Variants in CDH1 observed in about 807,000 individuals in gnomAD.
CDH1 encodes the protein cadherin 1.
Under a neutral mutation model 84.5 loss-of-function variants are expected in CDH1, and 35 were observed. The observed-to-expected ratio is 0.41, with a 90% CI of 0.32 to 0.55. CDH1 has a LOEUF of 0.55. CDH1 is among the 20% of genes least tolerant of loss of function. The pLI, the probability that CDH1 is intolerant of heterozygous loss-of-function variation, is 0.19. For missense variants in CDH1, 994 were observed against 1,126.6 expected, an observed-to-expected ratio of 0.88 and a Z score of 1.68; for synonymous variants, 417 against 439.0, an observed-to-expected ratio of 0.95 and a Z score of 0.63.
At chr16:68,749,608 C>A (rs1194552318) in intron 2 of CDH1, among the ~76,000 whole-genome samples, 1 of 152,240 alleles carries the variant, frequency 6.6e-6, no homozygotes, top group Non-Finnish European at 1.5e-5. Context: ...ACCTTGCACG[C>A]TTGACAGTTA....
At chr16:68,806,338 C>T (rs911352840) in intron 3 of CDH1, among the ~76,000 whole-genome samples, 13 of 151,862 alleles carry the variant, frequency 8.6e-5, no homozygotes, top group African/African-American at 3.1e-4. Flanking sequence ...TTAGTAGAGG[C>T]AGGGTTTTGG....
At chr16:68,801,140 C>T (rs957202724) in intron 2 of CDH1, among the ~76,000 whole-genome samples, 6 of 152,136 alleles carry the variant, frequency 3.9e-5, no homozygotes, top group Non-Finnish European at 8.8e-5. Context: ...GAGATGGAGT[C>T]TCGCTCTGTT....
chr16:68,794,196 C>CAAAAAG (rs1960292192), intron 2 of CDH1, among the ~76,000 whole-genome samples: 2 of 151,630 alleles, frequency 1.3e-5, no homozygotes, highest in Non-Finnish European at 2.9e-5. Context: ...CTGCTCCCAG[C>CAAAAAG]TAATTTTTGA....
At chr16:68,741,044 G>A (rs573495022) in intron 2 of CDH1, among the ~76,000 whole-genome samples, 14 of 151,922 alleles carry the variant, frequency 9.2e-5, no homozygotes, top group African/African-American at 3.1e-4. Context: ...CCGAGAGGGG[G>A]TGGTGATGAT....
intron 2 of CDH1, among the ~76,000 whole-genome samples, chr16:68,757,593 A>G (rs1963046070): frequency 6.6e-6 from 1 of 152,160 alleles, no homozygotes; most frequent in South Asian, 2.1e-4. Flanking sequence ...TTGACTCTTC[A>G]GCATTTATTT....
chr16:68,804,042 C>T (rs1287545206), intron 3 of CDH1, among the ~76,000 whole-genome samples: 1 of 143,872 alleles, frequency 7.0e-6, no homozygotes, highest in African/African-American at 2.6e-5. Flanking sequence ...TGTCTTTATT[C>T]TAAGCAATAA....
intron 3 of CDH1, among the ~76,000 whole-genome samples, chr16:68,805,302 G>A (rs1026345095): frequency 1.3e-5 from 2 of 151,970 alleles, no homozygotes; most frequent in Admixed American, 1.3e-4. Flanking sequence ...TTATAGGCGT[G>A]AGCCACCGTG....
chr16:68,817,990 G>A (rs955046664), intron 10 of CDH1, among the ~76,000 whole-genome samples: 1 of 152,114 alleles, frequency 6.6e-6, no homozygotes, highest in East Asian at 1.9e-4. Flanking sequence ...TGCAATCCCA[G>A]TGCTTTGGGA....
chr16:68,831,284 T>C (rs534276932), intron 15 of CDH1, among the ~76,000 whole-genome samples: 15 of 148,860 alleles, frequency 1.0e-4, no homozygotes, highest in African/African-American at 3.7e-4. Flanking sequence ...AGAGACAGGG[T>C]TTCACCATGT....
chr16:68,809,888 G>C lies in CDH1; in HGVS notation c.688-309G>C, dbSNP rs1597892035. On this transcript the variant is annotated intron_variant, in intron 5 of 15. Transcript: ENST00000261769. ...GAAATGCTAGACTAAAAGGACCAGA[G>C]CAAGTTTCACCCGGCATGGAATAAG... 2.6e-5 allele frequency among the ~76,000 whole-genome samples: 4 copies of C among 152,300 alleles called. No homozygotes were observed. In the South Asian group the frequency reaches 6.2e-4, roughly 24 times the overall value.
At chr16:68,784,293 G>A (rs527563838) in intron 2 of CDH1, among the ~76,000 whole-genome samples, 226 of 152,208 alleles carry the variant, frequency 1.5e-3, no homozygotes, top group African/African-American at 2.2e-3. Context: ...GTACAGTTCC[G>A]CCTCTGTGCA....
chr16:68,810,472 C>G, intron 6 of CDH1, 131 bp downstream of exon 6: 1 of 828,224 alleles, frequency 1.2e-6, no homozygotes, highest in Non-Finnish European at 2.0e-6. Flanking sequence ...CTTGGCAAGC[C>G]ATTGTTGTGT....
chr16:68,795,281 C>T (rs1960327423), intron 2 of CDH1, among the ~76,000 whole-genome samples: 1 of 152,190 alleles, frequency 6.6e-6, no homozygotes, highest in African/African-American at 2.4e-5. Flanking sequence ...AAATGCCTAA[C>T]TAGCTGAATG....
intron 2 of CDH1, among the ~76,000 whole-genome samples, chr16:68,783,354 G>A (rs957662853): frequency 2.9e-4 from 41 of 143,372 alleles, no homozygotes; most frequent in Admixed American, 3.7e-4. Flanking sequence ...CTAAGATGAT[G>A]CCACTGCACT....
chr16:68,784,500 G>A (rs1959985834), intron 2 of CDH1, among the ~76,000 whole-genome samples: 1 of 151,922 alleles, frequency 6.6e-6, no homozygotes, highest in African/African-American at 2.4e-5. Flanking sequence ...CCGCCCACAT[G>A]GACCCCTCCC....
At chr16:68,795,738 C>T (rs1960341004) in intron 2 of CDH1, among the ~76,000 whole-genome samples, 2 of 151,606 alleles carry the variant, frequency 1.3e-5, no homozygotes, top group South Asian at 4.2e-4. Flanking sequence ...TCAGGTGATC[C>T]ACCTGGCTCG....
At chr16:68,744,452 C>G (rs2152116042) in intron 2 of CDH1, among the ~76,000 whole-genome samples, 1 of 152,296 alleles carries the variant, frequency 6.6e-6, no homozygotes, top group African/African-American at 2.4e-5. Context: ...CTTTCTTTCT[C>G]TCTTCCTCTT....
chr16:68,738,165 C>T, intron 1 of CDH1, 132 bp from the exon 2 acceptor site: 1 of 637,972 alleles, frequency 1.6e-6, no homozygotes, highest in Non-Finnish European at 2.7e-6. Context: ...GCCCGCCCGT[C>T]CCGGGGCTGC....
At chr16:68,759,779 C>A (rs949956997) in intron 2 of CDH1, among the ~76,000 whole-genome samples, 7 of 152,172 alleles carry the variant, frequency 4.6e-5, no homozygotes, top group Non-Finnish European at 1.5e-5. Context: ...TAGGCGTGAG[C>A]CACCACGCCG....
Sources: gnomAD v4.1 joint callset for allele counts (sites outside exome capture counted in the v4.1 genomes callset) on GRCh38, gnomAD v4.1.1 for gene constraint, MANE v1.5 for transcripts, NCBI Gene and HGNC (gene_info 2026-07-23, HGNC 2026-07-21) for gene names.